The following ARHGAP6 variants were observed in gnomAD, a reference collection of about 807,000 sequenced individuals.
ARHGAP6 encodes Rho GTPase activating protein 6.
ARHGAP6 carries 16 observed loss-of-function variants against 55.7 expected under a neutral mutation model. The observed-to-expected ratio is 0.29, with a 90% CI of 0.19 to 0.44. The LOEUF is 0.44. ARHGAP6 is among the 20% of genes least tolerant of loss of function. ARHGAP6 has a pLI of 1.00. For missense variants in ARHGAP6, 698 were observed against 808.9 expected (o/e 0.86, Z 1.66); for synonymous variants, 382 against 360.9 (o/e 1.06, Z -0.66).
chrX:11,217,709 T>C (rs2046902599), intron 2 of ARHGAP6, among the ~76,000 whole-genome samples: 1 of 112,249 alleles, frequency 8.9e-6, no homozygotes, highest in Non-Finnish European at 1.9e-5. Context: ...AGAAGCTCTT[T>C]AGTTTAATTA....
intron 1 of ARHGAP6, chrX:11,300,694 C>T: frequency 1.1e-6 from 1 of 948,958 alleles, no homozygotes; most frequent in Middle Eastern, 2.8e-4. Context: ...TGCTTATAAT[C>T]ACTTTACTTA....
chrX:11,413,278 C>T (rs1320083422), intron 1 of ARHGAP6, among the ~76,000 whole-genome samples: 1 of 112,227 alleles, frequency 8.9e-6, no homozygotes, highest in African/African-American at 3.2e-5. Context: ...TAGAAGACAC[C>T]AAGGTGACAT....
intron 1 of ARHGAP6, among the ~76,000 whole-genome samples, chrX:11,401,455 G>T (rs2049548130): frequency 8.9e-6 from 1 of 112,017 alleles, no homozygotes; most frequent in African/African-American, 3.2e-5. Context: ...ATTCTTTGCT[G>T]TAGGGGCTGT....
intron 1 of ARHGAP6, among the ~76,000 whole-genome samples, chrX:11,641,414 G>A (rs1336028456): frequency 9.0e-6 from 1 of 111,674 alleles, no homozygotes; most frequent in Non-Finnish European, 1.9e-5. Flanking sequence ...GCAGCAAGTA[G>A]CCTGGGACTT....
At chrX:11,316,207 T>C (rs997961960) in intron 1 of ARHGAP6, among the ~76,000 whole-genome samples, 15 of 112,375 alleles carry the variant, frequency 1.3e-4, no homozygotes, top group Non-Finnish European at 2.8e-4. Flanking sequence ...AGACATAGGT[T>C]CTGCAAAGCC....
intron 1 of ARHGAP6, among the ~76,000 whole-genome samples, chrX:11,358,034 T>A (rs1036702382): frequency 8.9e-6 from 1 of 111,755 alleles, no homozygotes; most frequent in African/African-American, 3.3e-5. Context: ...CATTAACAGT[T>A]ACTCCTCACA....
At chrX:11,511,032 A>G (rs1468479801) in intron 1 of ARHGAP6, among the ~76,000 whole-genome samples, 1 of 111,688 alleles carries the variant, frequency 9.0e-6, no homozygotes. Flanking sequence ...TAAAGCCACC[A>G]AGTTTTGAAG....
At chrX:11,516,103 AC>A (rs1285449508) in intron 1 of ARHGAP6, among the ~76,000 whole-genome samples, 2 of 112,846 alleles carry the variant, frequency 1.8e-5, no homozygotes, top group Non-Finnish European at 3.7e-5. Flanking sequence ...GTTTTTATTT[AC>A]AAAAACAGCG....
chrX:11,275,946 C>T (rs1047059063), intron 1 of ARHGAP6, among the ~76,000 whole-genome samples: 1 of 111,510 alleles, frequency 9.0e-6, no homozygotes. Context: ...AAAATCATAC[C>T]ATCTAAAACA....
At chrX:11,199,979 A>G (rs2046596754) in intron 2 of ARHGAP6, among the ~76,000 whole-genome samples, 1 of 112,233 alleles carries the variant, frequency 8.9e-6, no homozygotes, top group Non-Finnish European at 1.9e-5. Flanking sequence ...CCCATTTTTG[A>G]AGAATAAAAT....
At chrX:11,172,309 T>A (rs2046103407) in intron 8 of ARHGAP6, among the ~76,000 whole-genome samples, 1 of 112,020 alleles carries the variant, frequency 8.9e-6, no homozygotes, top group South Asian at 3.7e-4. Context: ...GATCGTCCAA[T>A]CATTTTTCTT....
At chrX:11,456,029 AATTTCAAT>A (rs1256069442) in intron 1 of ARHGAP6, among the ~76,000 whole-genome samples, 1 of 112,298 alleles carries the variant, frequency 8.9e-6, no homozygotes, top group East Asian at 2.8e-4. Flanking sequence ...TGGCTGCAAT[AATTTCAAT>A]ATACAAAAGC....
At chrX:11,358,429 GTATCTTTC>G (rs1159626098) in intron 1 of ARHGAP6, among the ~76,000 whole-genome samples, 4 of 85,469 alleles carry the variant, frequency 4.7e-5, no homozygotes, top group East Asian at 3.7e-4. Context: ...CGTTTTAACT[GTATCTTTC>G]TTTCTTTCTT....
At chrX:11,386,696 A>C (rs901032183) in intron 1 of ARHGAP6, among the ~76,000 whole-genome samples, 1 of 112,266 alleles carries the variant, frequency 8.9e-6, no homozygotes, top group African/African-American at 3.2e-5. Flanking sequence ...CTTTCCCAGC[A>C]TCTTGAAACA....
Position 11,158,217 on chromosome X carries a change from A to T in ARHGAP6, c.1810-1591T>A, listed in dbSNP as rs777171194. 6.8e-4 allele frequency among the ~76,000 whole-genome samples: 76 copies of T among 112,024 alleles called. 1 individual carries two copies. Among genetic ancestry groups the T allele is most frequent in the Non-Finnish European group, 1.2e-3 (63 of 53,209 alleles). ...GAGCATTCCATTCCCAGATCATCATAGTTGCCTGAGCAATGGGCATGTGAC... is the reference window on the plus strand; with the variant it reads ...GAGCATTCCATTCCCAGATCATCATTGTTGCCTGAGCAATGGGCATGTGAC... On this transcript the variant is annotated intron_variant, in intron 9 of 12. Transcript: ENST00000337414.
At chrX:11,608,489 G>A (rs1452623173) in intron 1 of ARHGAP6, among the ~76,000 whole-genome samples, 1 of 110,714 alleles carries the variant, frequency 9.0e-6, no homozygotes, top group African/African-American at 3.3e-5. Context: ...TGAAGCATGA[G>A]GCTTTTGGAG....
chrX:11,571,215 G>C (rs73501027), intron 1 of ARHGAP6, among the ~76,000 whole-genome samples: 1 of 111,703 alleles, frequency 9.0e-6, no homozygotes, highest in Non-Finnish European at 1.9e-5. Flanking sequence ...TAAGAATTAG[G>C]GTTGGGCTTT....
chrX:11,432,647 G>A (rs1022813585), intron 1 of ARHGAP6, among the ~76,000 whole-genome samples: 4 of 111,759 alleles, frequency 3.6e-5, no homozygotes, highest in Middle Eastern at 4.6e-3. Context: ...CTTTTTCATG[G>A]GGCTACAAAG....
chrX:11,139,465 T>A lies in ARHGAP6; in HGVS notation c.2323A>T (p.Asn775Tyr), dbSNP rs778647084. 28 of 1,178,587 alleles carry A rather than the reference T, an allele frequency of 2.4e-5. No individual in the cohort carries two copies. Among genetic ancestry groups the A allele is most frequent in the Non-Finnish European group, 2.9e-5 (26 of 882,048 alleles). ...CACCGAGGCCAATTTGGGGACAGGT[T>A]CCCTTGAGAAAGGGAGCAGGGCCCC... ...RAGPCSLSQG[N>Y]LSPNWPRWQG... Residue 775 changes from asparagine (N) to tyrosine (Y), a missense_variant, in exon 13 of 13, where the codon AAC (asparagine) becomes TAC (tyrosine). Physicochemically the swap from Asn to Tyr is moderately radical, Grantham distance 143. Coordinates refer to ENST00000337414, the MANE Select transcript of ARHGAP6 (RefSeq NM_013427.3).
Sources: gnomAD v4.1 joint callset for allele counts (sites outside exome capture counted in the v4.1 genomes callset) on GRCh38, gnomAD v4.1.1 for gene constraint, MANE v1.5 for transcripts, NCBI Gene and HGNC (gene_info 2026-07-23, HGNC 2026-07-21) for gene names.